Variants in ZNF728 observed in about 807,000 individuals in gnomAD.
ZNF728 encodes the protein zinc finger protein 728.
Under a neutral mutation model 12.5 loss-of-function variants are expected in ZNF728, and 12 were observed. That is an observed-to-expected ratio of 0.96 (90% CI 0.61 to 1.55). ZNF728 has a LOEUF of 1.55. Ranked by LOEUF, ZNF728 falls within the 40% of genes most tolerant of loss-of-function variation. The pLI, the probability that ZNF728 is intolerant of heterozygous loss-of-function variation, is 0.00. For synonymous variants in ZNF728, 205 were observed against 240.7 expected, an observed-to-expected ratio of 0.85 and a Z score of 1.37; for missense variants, 692 against 719.2, an observed-to-expected ratio of 0.96 and a Z score of 0.43.
At chr19:22,987,967 C>G (rs556004984) in intron 2 of ZNF728, among the ~76,000 whole-genome samples, 1 of 152,110 alleles carries the variant, frequency 6.6e-6, no homozygotes, top group Non-Finnish European at 1.5e-5. Context: ...CTGCTCCTGC[C>G]GCCACAAGGT....
At chr19:22,988,540 A>G in intron 1 of ZNF728, 89 bp from the exon 2 acceptor site, 3 of 1,562,952 alleles carry the variant, frequency 1.9e-6, no homozygotes, top group Non-Finnish European at 2.6e-6. Context: ...AAGAGTAAAA[A>G]GAGCTCATTC....
At chr19:22,979,382 C>T (rs1968838423) in intron 3 of ZNF728, among the ~76,000 whole-genome samples, 1 of 152,156 alleles carries the variant, frequency 6.6e-6, no homozygotes, top group Non-Finnish European at 1.5e-5. Context: ...ACCAAATCTA[C>T]ATTTGATCGG....
chr19:22,988,259 A>G, intron 2 of ZNF728, 66 bp downstream of exon 2: 1 of 1,611,328 alleles, frequency 6.2e-7, no homozygotes, highest in Non-Finnish European at 8.5e-7. Context: ...GTCCAGGCCA[A>G]TAAAGTCCAC....
chr19:22,981,130 T>C (rs1968858007), intron 3 of ZNF728, among the ~76,000 whole-genome samples: 1 of 150,854 alleles, frequency 6.6e-6, no homozygotes, highest in African/African-American at 2.4e-5. Flanking sequence ...TAGATAAGAC[T>C]GCTAGCCAGT....
intron 3 of ZNF728, among the ~76,000 whole-genome samples, chr19:22,983,995 A>G (rs1243842194): frequency 6.6e-6 from 1 of 152,278 alleles, no homozygotes; most frequent in East Asian, 1.9e-4. Flanking sequence ...CCCAGAATTT[A>G]AAGTATAATA....
chr19:22,975,826 C>G lies in ZNF728; in HGVS notation c.1511G>C (p.Gly504Ala). Residue 504 changes from glycine to alanine, a missense_variant, in exon 4 of 4, where the codon GGA (glycine) becomes GCA (alanine). Transcript: ENST00000594710. ...NLMEHKRIHT[G>A]EKPYKCEECG... ...TTCTTCACATTTGTAGGGTTTCTCT[C>G]CAGTATGAATTCTCTTATGTTCCAT... 1 of 1,612,360 alleles carries G rather than the reference C, an allele frequency of 6.2e-7. No homozygotes were observed. Among genetic ancestry groups the G allele is most frequent in the Non-Finnish European group, 8.5e-7 (1 of 1,179,378 alleles).
intron 3 of ZNF728, among the ~76,000 whole-genome samples, chr19:22,987,067 C>T (rs893445350): frequency 1.3e-5 from 2 of 152,120 alleles, no homozygotes; most frequent in Non-Finnish European, 1.5e-5. Context: ...ATGAACAGTA[C>T]TTTGGCTGTC....
intron 1 of ZNF728, among the ~76,000 whole-genome samples, chr19:22,988,758 GAATT>G (rs1023466009): frequency 6.6e-6 from 1 of 152,100 alleles, no homozygotes; most frequent in Non-Finnish European, 1.5e-5. Flanking sequence ...ACATCAAACA[GAATT>G]AATTGTGTGC....
chr19:23,002,100 G>A (rs1969119447), intron 1 of ZNF728, among the ~76,000 whole-genome samples: 3 of 152,208 alleles, frequency 2.0e-5, no homozygotes, highest in South Asian at 4.1e-4. Context: ...TGGATCACTT[G>A]AAATCAGGAG....
At position 22,999,433 on chromosome 19, in the gene ZNF728, A is replaced by G. The variant is rs555697622; in HGVS notation, c.3+3595T>C. ...CCAAGGCTCTGTAGCTTCTCTCACT[A>G]TAGAGGCTTCTTCCATGGCTGGGGT... On this transcript the variant is annotated intron_variant, in intron 1 of 3. Coordinates refer to ENST00000594710, the MANE Select transcript of ZNF728 (RefSeq NM_001267716.2). Among the ~76,000 whole-genome samples the G allele has an allele frequency of 5.1e-4, 78 of 152,204 alleles. 1 individual carries two copies. The highest frequency in any genetic ancestry group is 3.3e-3 in the Admixed American group (51 of 15,288).
intron 1 of ZNF728, among the ~76,000 whole-genome samples, chr19:23,001,796 G>A (rs917568773): frequency 1.2e-4 from 18 of 152,282 alleles, no homozygotes; most frequent in African/African-American, 4.3e-4. Flanking sequence ...TATGAATAAG[G>A]GAGGGGAAAT....
At chr19:22,992,993 T>C (rs1178792266) in intron 1 of ZNF728, among the ~76,000 whole-genome samples, 1 of 152,200 alleles carries the variant, frequency 6.6e-6, no homozygotes, top group Non-Finnish European at 1.5e-5. Flanking sequence ...CCTGATTTGC[T>C]AGCTGGTGGG....
chr19:22,990,039 C>T lies in ZNF728; in HGVS notation c.4-1588G>A, dbSNP rs185232367. Among the ~76,000 whole-genome samples the T allele has an allele frequency of 2.6e-3, 390 of 152,036 alleles. 2 individuals are homozygous for T. The highest frequency in any genetic ancestry group is 3.4e-3 in the Non-Finnish European group (232 of 67,998). On this transcript the variant is annotated intron_variant, in intron 1 of 3. Coordinates refer to ENST00000594710, the MANE Select transcript of ZNF728 (RefSeq NM_001267716.2). ...ATAAAATCATAGTGAGATTTCTGCA[C>T]GGCATATAAGAAGCCATAATGTAGA...
intron 3 of ZNF728, 48 bp from the exon 4 acceptor site, chr19:22,977,158 T>C: frequency 2.1e-6 from 3 of 1,452,024 alleles, no homozygotes; most frequent in East Asian, 2.5e-5. Context: ...TAGATAAATA[T>C]AGTTTCCAAA....
rs1260874555 is a variant in ZNF728, at chr19:22,975,111, T to G, written c.*357A>C. On this transcript the variant is annotated 3_prime_UTR_variant, in exon 4 of 4. Coordinates refer to ENST00000594710, the MANE Select transcript of ZNF728 (RefSeq NM_001267716.2). ...TTATATTCAGAAAAGTTTCAGGTGT[T>G]GCCAAAAGCCTTGTCACATCTTTCA... Among the ~76,000 whole-genome samples, 2 of 152,188 alleles carry G rather than the reference T, an allele frequency of 1.3e-5. No individual in the cohort carries two copies. The highest frequency in any genetic ancestry group is 2.9e-5 in the Non-Finnish European group (2 of 68,020).
chr19:23,000,015 TTG>T (rs1969090329), intron 1 of ZNF728, among the ~76,000 whole-genome samples: 1 of 152,202 alleles, frequency 6.6e-6, no homozygotes, highest in African/African-American at 2.4e-5. Flanking sequence ...TTTTTTTTCC[TTG>T]GTAGCTAACA....
In ZNF728 at chr19:22,976,189, A is replaced by C. The variant is rs2090150748; in HGVS notation, c.1148T>G (p.Leu383Arg). The change falls in exon 4 of 4, where the codon CTT (leucine) becomes CGT (arginine). Residue 383 changes from leucine to arginine, a missense_variant. Leu to Arg is a moderately radical substitution (Grantham distance 102). Transcript: ENST00000594710. ...CGKAFSWPSSLTEHKRIHAGD... is the reference protein window; with the variant it reads ...CGKAFSWPSSRTEHKRIHAGD... The stretch of plus-strand genomic sequence containing the variant: ...AGCATGAATTCTCTTGTGTTCAGTA[A>C]GGCTTGAGGGCCAGCTGAAGGCTTT... 1 of 1,613,448 alleles carries C rather than the reference A, an allele frequency of 6.2e-7. No individual in the cohort carries two copies. The highest frequency in any genetic ancestry group is 1.1e-5 in the South Asian group (1 of 91,070).
intron 1 of ZNF728, among the ~76,000 whole-genome samples, chr19:22,996,182 A>C (rs1204961342): frequency 6.6e-6 from 1 of 152,210 alleles, no homozygotes; most frequent in African/African-American, 2.4e-5. Flanking sequence ...TCTGAACTGT[A>C]ATTCAGTTGA....
chr19:22,990,576 T>C (rs1287486068), intron 1 of ZNF728, among the ~76,000 whole-genome samples: 4 of 152,194 alleles, frequency 2.6e-5, no homozygotes. Flanking sequence ...GTAATGGAAA[T>C]ATGGGCCACG....
Sources: allele counts gnomAD v4.1 joint callset (sites outside exome capture counted in the v4.1 genomes callset), GRCh38; gene constraint gnomAD v4.1.1; transcripts MANE v1.5; gene names NCBI Gene and HGNC (gene_info 2026-07-23, HGNC 2026-07-21).